The following SAMSN1 variants were observed in gnomAD, a reference collection of about 807,000 sequenced individuals.
SAMSN1 encodes SAM domain-containing protein SAMSN-1.
SAMSN1 carries 31 observed loss-of-function variants against 42.0 expected under a neutral mutation model. The observed-to-expected ratio is 0.74, with a 90% CI of 0.55 to 1.00. The LOEUF (loss-of-function observed/expected upper bound fraction) is 1.00. SAMSN1 is among the 50% of genes least tolerant of loss of function. The pLI is 0.00. For synonymous variants in SAMSN1, 178 were observed against 151.9 expected (o/e 1.17, Z -1.26); for missense variants, 464 against 439.4 (o/e 1.06, Z -0.50).
intron 2 of SAMSN1, among the ~76,000 whole-genome samples, chr21:14,640,877 A>G (rs1478870757): frequency 6.6e-6 from 1 of 152,112 alleles, no homozygotes; most frequent in Non-Finnish European, 1.5e-5. Context: ...AATTACAGAG[A>G]AAGACAGAGC....
intron 1 of SAMSN1, among the ~76,000 whole-genome samples, chr21:14,651,775 C>A (rs1392622917): frequency 1.3e-5 from 2 of 151,792 alleles, no homozygotes; most frequent in Non-Finnish European, 2.9e-5. Context: ...TTTGGAAAAC[C>A]CTAAAAATTC....
chr21:14,525,061 G>A (rs1978754340), intron 1 of SAMSN1, among the ~76,000 whole-genome samples: 2 of 152,234 alleles, frequency 1.3e-5, no homozygotes, highest in South Asian at 2.1e-4. Context: ...TTGATGAGGG[G>A]AAATTGTTCT....
chr21:14,574,492 G>A (rs1568814854), intron 2 of SAMSN1, among the ~76,000 whole-genome samples: 1 of 152,022 alleles, frequency 6.6e-6, no homozygotes, highest in Non-Finnish European at 1.5e-5. Flanking sequence ...TGAAGAAGAG[G>A]GATTCTTGGT....
chr21:14,585,710 T>A (rs897587964), upstream of SAMSN1, among the ~76,000 whole-genome samples: 1 of 152,224 alleles, frequency 6.6e-6, no homozygotes, highest in Non-Finnish European at 1.5e-5. Flanking sequence ...AAAAATCCTA[T>A]GTGCCTAGGA....
intron 2 of SAMSN1, among the ~76,000 whole-genome samples, chr21:14,637,096 C>A (rs540642391): frequency 3.2e-4 from 49 of 152,286 alleles, no homozygotes; most frequent in African/African-American, 1.1e-3. Flanking sequence ...AATATGGCAG[C>A]CATCCATAGT....
intron 5 of SAMSN1, chr21:14,609,333 ATATTC>A: frequency 1.7e-6 from 1 of 599,410 alleles, no homozygotes; most frequent in South Asian, 2.1e-5. Flanking sequence ...ATAATAATGC[ATATTC>A]TATTCTATCT....
chr21:14,610,991 T>G (rs1000374775), intron 4 of SAMSN1, among the ~76,000 whole-genome samples: 2 of 152,226 alleles, frequency 1.3e-5, no homozygotes, highest in Non-Finnish European at 2.9e-5. Flanking sequence ...AGTGGTGTGA[T>G]CATAGCTCAT....
At chr21:14,600,836 TG>T (rs1324645246) in intron 6 of SAMSN1, among the ~76,000 whole-genome samples, 22 of 152,272 alleles carry the variant, frequency 1.4e-4, no homozygotes, top group East Asian at 1.4e-3. Flanking sequence ...ATCTTCCAGC[TG>T]TGCTTGTGCA....
At chr21:14,654,796 G>A (rs1462243502) in intron 1 of SAMSN1, among the ~76,000 whole-genome samples, 1 of 151,828 alleles carries the variant, frequency 6.6e-6, no homozygotes. Flanking sequence ...GGGGCATCAG[G>A]AAGACATGAG....
upstream of SAMSN1, among the ~76,000 whole-genome samples, chr21:14,586,788 G>C (rs1981932056): frequency 1.3e-5 from 2 of 152,164 alleles, no homozygotes; most frequent in Admixed American, 1.3e-4. Flanking sequence ...ATTTAGAGAG[G>C]GTTTAGAATT....
intron 5 of SAMSN1, among the ~76,000 whole-genome samples, chr21:14,603,483 C>T (rs1017580735): frequency 3.9e-5 from 6 of 152,128 alleles, no homozygotes; most frequent in African/African-American, 1.4e-4. Context: ...AGAATGGATA[C>T]AGTTTGAAAA....
At chr21:14,646,816 G>T (rs569216222) in intron 1 of SAMSN1, among the ~76,000 whole-genome samples, 1 of 152,220 alleles carries the variant, frequency 6.6e-6, no homozygotes, top group African/African-American at 2.4e-5. Flanking sequence ...CTTTTTGCTT[G>T]TTTGTTTGTG....
At chr21:14,616,152 G>A in intron 2 of SAMSN1, 2 of 341,808 alleles carry the variant, frequency 5.9e-6, no homozygotes, top group Non-Finnish European at 1.1e-5. Context: ...TTTCCCTAGT[G>A]AAAAAGACTG....
At chr21:14,572,397 T>C (rs1173131844) in intron 2 of SAMSN1, among the ~76,000 whole-genome samples, 1 of 152,156 alleles carries the variant, frequency 6.6e-6, no homozygotes, top group Non-Finnish European at 1.5e-5. Context: ...AGTCCAGGCT[T>C]ATTTGACTCA....
At chr21:14,507,545 A>G (rs1011310803) in intron 5 of SAMSN1, among the ~76,000 whole-genome samples, 1 of 152,274 alleles carries the variant, frequency 6.6e-6, no homozygotes, top group African/African-American at 2.4e-5. Context: ...GAAAGAAATC[A>G]TAGATGGCAC....
In SAMSN1 at chr21:14,605,807, GATTTATTT is replaced by G. The variant is rs567638495; in HGVS notation, c.322+3667_322+3674del. Among the ~76,000 whole-genome samples, 411 of 144,054 alleles carry G rather than the reference GATTTATTT, an allele frequency of 2.9e-3. 4 individuals carry two copies. Among genetic ancestry groups the G allele is most frequent in the Middle Eastern group, 0.011 (3 of 280 alleles). 94.5% of individuals were successfully genotyped at this position (144,054 alleles called of 152,430 possible). On this transcript the variant is annotated intron_variant, in intron 5 of 15. Coordinates refer to the SAMSN1 transcript ENST00000647101. Reference sequence around the variant, plus strand: ...ATCTCATTAAGCCATATGTAAAGAAGATTTATTTATTTATTTATTTATTTATTTATTTA... The same window carrying G: ...ATCTCATTAAGCCATATGTAAAGAAGATTTATTTATTTATTTATTTATTTA...
chr21:14,487,925 T>C (rs1044292020), intron 7 of SAMSN1, among the ~76,000 whole-genome samples: 2 of 152,174 alleles, frequency 1.3e-5, no homozygotes, highest in Non-Finnish European at 2.9e-5. Context: ...CATGACAATC[T>C]TTAAGTTTGG....
chr21:14,559,400 C>A (rs996403403), intron 2 of SAMSN1, among the ~76,000 whole-genome samples: 3 of 152,150 alleles, frequency 2.0e-5, no homozygotes, highest in Admixed American at 1.3e-4. Context: ...ACCAGCACAG[C>A]TTTGATCACC....
Position 14,498,542 on chromosome 21 carries a change from T to C in SAMSN1, c.819A>G (p.Leu273=). The change falls in exon 7 of 8, where the codon TTA becomes TTG. Residue 273 remains leucine, a synonymous_variant. Coordinates refer to ENST00000400566, the MANE Select transcript of SAMSN1 (RefSeq NM_022136.5). ...LLNGYETLED[L]KDIKESHLIE... Reference sequence around the variant, plus strand: ...TGAGGTGACTCTCTTTTATATCTTTTAAATCTTCTAGAGTCTCATAACCAT... The same window carrying C: ...TGAGGTGACTCTCTTTTATATCTTTCAAATCTTCTAGAGTCTCATAACCAT... 4 of 1,610,680 alleles carry C rather than the reference T, an allele frequency of 2.5e-6. No individual in the cohort carries two copies. Among genetic ancestry groups the C allele is most frequent in the South Asian group, 1.1e-5 (1 of 90,508 alleles).
Sources: gnomAD v4.1 joint callset for allele counts (sites outside exome capture counted in the v4.1 genomes callset) on GRCh38, gnomAD v4.1.1 for gene constraint, MANE v1.5 for transcripts, NCBI Gene and HGNC (gene_info 2026-07-23, HGNC 2026-07-21) for gene names.